PPP1R16B: variants seen among roughly 807,000 people sequenced by gnomAD.
PPP1R16B encodes the protein protein phosphatase 1 regulatory subunit 16B.
PPP1R16B carries 14 observed loss-of-function variants against 61.7 expected under a neutral mutation model. The ratio of observed to expected loss-of-function variants is 0.23; its 90% CI spans 0.15 to 0.35. The LOEUF (loss-of-function observed/expected upper bound fraction) is 0.35. PPP1R16B is among the 10% of genes least tolerant of loss of function. The pLI is 1.00. For missense variants in PPP1R16B, 547 were observed against 752.5 expected (o/e 0.73, Z 3.19); for synonymous variants, 266 against 305.3 (o/e 0.87, Z 1.34).
intron 1 of PPP1R16B, among the ~76,000 whole-genome samples, chr20:38,813,106 T>C (rs2084711849): frequency 6.6e-6 from 1 of 152,236 alleles, no homozygotes; most frequent in Non-Finnish European, 1.5e-5. Context: ...CTGTTGTGCC[T>C]GTTCACACAG....
intron 2 of PPP1R16B, among the ~76,000 whole-genome samples, chr20:38,887,001 A>G (rs2085249654): frequency 6.6e-6 from 1 of 152,206 alleles, no homozygotes; most frequent in Non-Finnish European, 1.5e-5. Context: ...TATATATAAC[A>G]GGAGCCTGGG....
chr20:38,910,331 C>T (rs1465620966), intron 10 of PPP1R16B, among the ~76,000 whole-genome samples: 2 of 152,086 alleles, frequency 1.3e-5, no homozygotes, highest in Non-Finnish European at 2.9e-5. Flanking sequence ...CAAATGTACA[C>T]ACTCAGATGA....
At chr20:38,827,320 G>T (rs1474395853) in intron 1 of PPP1R16B, among the ~76,000 whole-genome samples, 1 of 152,202 alleles carries the variant, frequency 6.6e-6, no homozygotes, top group Non-Finnish European at 1.5e-5. Flanking sequence ...GTCTGTTATT[G>T]TTCCACTGCT....
chr20:38,903,273 C>T (rs2085411176), intron 6 of PPP1R16B, among the ~76,000 whole-genome samples: 2 of 152,140 alleles, frequency 1.3e-5, no homozygotes, highest in Admixed American at 1.3e-4. Flanking sequence ...CTTCATGTGT[C>T]CATCTTGAGC....
intron 10 of PPP1R16B, among the ~76,000 whole-genome samples, chr20:38,910,690 T>C (rs1330014708): frequency 6.6e-6 from 1 of 151,894 alleles, no homozygotes; most frequent in African/African-American, 2.4e-5. Context: ...TGCACCACCA[T>C]GCCTGGCTAA....
At chr20:38,837,183 C>T (rs1424120832) in intron 2 of PPP1R16B, among the ~76,000 whole-genome samples, 1 of 152,166 alleles carries the variant, frequency 6.6e-6, no homozygotes, top group African/African-American at 2.4e-5. Flanking sequence ...TTCTCAGTTC[C>T]CTACGTGAGC....
intron 7 of PPP1R16B, among the ~76,000 whole-genome samples, chr20:38,906,622 C>A (rs767652335): frequency 6.6e-6 from 1 of 152,146 alleles, no homozygotes; most frequent in Non-Finnish European, 1.5e-5. Flanking sequence ...TCAAATTTGC[C>A]AAATAAGAAA....
At chr20:38,832,650 G>T (rs1232561767) in intron 1 of PPP1R16B, among the ~76,000 whole-genome samples, 2 of 152,128 alleles carry the variant, frequency 1.3e-5, no homozygotes, top group Admixed American at 1.3e-4. Context: ...CAGGCGCGGG[G>T]GCTCACGCCT....
intron 6 of PPP1R16B, among the ~76,000 whole-genome samples, chr20:38,903,801 C>T (rs1352852465): frequency 6.6e-6 from 1 of 152,226 alleles, no homozygotes. Context: ...TCCCTGGCCA[C>T]TCCTCATAGG....
chr20:38,918,044 A>G lies in PPP1R16B; in HGVS notation c.1195-113A>G. The G allele has an allele frequency of 7.2e-7, 1 of 1,390,520 alleles. No individual in the cohort carries two copies. Among genetic ancestry groups the G allele is most frequent in the Non-Finnish European group, 9.8e-7 (1 of 1,017,672 alleles). 86.1% of individuals were successfully genotyped at this position (1,390,520 alleles called of 1,614,324 possible). On this transcript the variant is annotated intron_variant, in intron 10 of 10. Coordinates refer to ENST00000299824, the MANE Select transcript of PPP1R16B (RefSeq NM_015568.4). This position sits in a 1 kb window ranked among gnomAD's most constrained non-coding sequence, Gnocchi z 5.3. Reference sequence around the variant, plus strand: ...AAAACCCTGGCCCCGATACCCAGGGAGAGAAAACAGATAGAGGAAAAGTCC... The same window carrying G: ...AAAACCCTGGCCCCGATACCCAGGGGGAGAAAACAGATAGAGGAAAAGTCC...
intron 10 of PPP1R16B, among the ~76,000 whole-genome samples, chr20:38,909,591 C>T (rs1274325515): frequency 6.6e-6 from 1 of 152,212 alleles, no homozygotes; most frequent in Admixed American, 6.5e-5. Context: ...CTGCCATTTT[C>T]GTTCTTCCAC....
intron 1 of PPP1R16B, among the ~76,000 whole-genome samples, chr20:38,813,751 ACATCAT>A (rs1157133606): frequency 4.8e-5 from 7 of 145,304 alleles, no homozygotes; most frequent in South Asian, 2.2e-4. Flanking sequence ...CTAAGGGGTG[ACATCAT>A]CATCATCATC....
At chr20:38,898,739 G>A (rs749859299) in intron 4 of PPP1R16B, among the ~76,000 whole-genome samples, 6 of 152,122 alleles carry the variant, frequency 3.9e-5, no homozygotes, top group Non-Finnish European at 8.8e-5. Flanking sequence ...GAACCTGGGA[G>A]GCGGAGGTTG....
At chr20:38,861,473 G>A (rs1459071155) in intron 2 of PPP1R16B, among the ~76,000 whole-genome samples, 1 of 152,150 alleles carries the variant, frequency 6.6e-6, no homozygotes, top group African/African-American at 2.4e-5. Flanking sequence ...TGGGGGGCTA[G>A]GCTCTGCCTC....
chr20:38,906,297 T>G (rs4810243), intron 7 of PPP1R16B, among the ~76,000 whole-genome samples: 26,339 of 131,492 alleles, frequency 0.2, 3,209 homozygotes, highest in African/African-American at 0.34. Context: ...TTTTTTTTTT[T>G]TTTTTTTTTT....
chr20:38,814,974 G>A (rs1414150926), intron 1 of PPP1R16B, among the ~76,000 whole-genome samples: 1 of 152,124 alleles, frequency 6.6e-6, no homozygotes, highest in Non-Finnish European at 1.5e-5. Context: ...AGGAAATGTT[G>A]CCTTATAAAC....
intron 2 of PPP1R16B, among the ~76,000 whole-genome samples, chr20:38,872,329 T>C (rs796077094): frequency 1.3e-5 from 2 of 152,238 alleles, no homozygotes; most frequent in South Asian, 4.1e-4. Context: ...GAGGGCAGAC[T>C]GGCGTCTGTC....
chr20:38,825,261 C>G (rs2084798564), intron 1 of PPP1R16B, among the ~76,000 whole-genome samples: 1 of 152,156 alleles, frequency 6.6e-6, no homozygotes, highest in Non-Finnish European at 1.5e-5. Flanking sequence ...CTGAATGGAC[C>G]CTATCCAATT....
At chr20:38,884,829 T>TG (rs931356408) in intron 2 of PPP1R16B, among the ~76,000 whole-genome samples, 1 of 151,322 alleles carries the variant, frequency 6.6e-6, no homozygotes, top group African/African-American at 2.4e-5. Flanking sequence ...CCCAGGATTT[T>TG]GGGGGGCTGA....
Sources: allele counts gnomAD v4.1 joint callset (sites outside exome capture counted in the v4.1 genomes callset), GRCh38; gene constraint gnomAD v4.1.1; non-coding constraint Gnocchi (gnomAD v3.1); transcripts MANE v1.5; gene names NCBI Gene and HGNC (gene_info 2026-07-23, HGNC 2026-07-21).